Variants in HOXB3 observed in about 807,000 individuals in gnomAD.
The protein encoded by HOXB3 is homeobox protein Hox-B3.
Under a neutral mutation model 29.2 loss-of-function variants are expected in HOXB3, and 17 were observed. The observed-to-expected ratio is 0.58, with a 90% CI of 0.40 to 0.87. The LOEUF is 0.87. Among genes scored for constraint, HOXB3 ranks in the 40% least tolerant of loss-of-function variants. HOXB3 has a pLI of 0.00. For missense variants in HOXB3, 637 were observed against 616.3 expected, an observed-to-expected ratio of 1.03 and a Z score of -0.35; for synonymous variants, 317 against 285.9, an observed-to-expected ratio of 1.11 and a Z score of -1.10.
intron 2 of HOXB3, among the ~76,000 whole-genome samples, chr17:48,567,401 G>T (rs1450871188): frequency 6.6e-6 from 1 of 152,174 alleles, no homozygotes; most frequent in Non-Finnish European, 1.5e-5. Context: ...AAAGTCAGTT[G>T]GCCTGGCTCC....
chr17:48,571,983 C>T (rs75265071), intron 2 of HOXB3, among the ~76,000 whole-genome samples: 2,617 of 152,304 alleles, frequency 0.017, 66 homozygotes, highest in African/African-American at 0.059. Context: ...TCCCAGCCAG[C>T]GTCTGTCTGT....
At chr17:48,582,370 T>C (rs1482636968) in intron 1 of HOXB3, 2 of 151,948 alleles carry the variant, frequency 1.3e-5, no homozygotes, top group East Asian at 3.9e-4. Context: ...TCCTGTCCAC[T>C]ATTGTGTGTC....
intron 3 of HOXB3, chr17:48,552,922 C>T (rs1187617931): frequency 6.3e-6 from 1 of 159,100 alleles, no homozygotes; most frequent in African/African-American, 2.4e-5. Context: ...TAGTCCCTCT[C>T]TCCCTATCTC....
chr17:48,583,637 A>C (rs1349539113), intron 1 of HOXB3, among the ~76,000 whole-genome samples: 1 of 152,162 alleles, frequency 6.6e-6, no homozygotes, highest in Non-Finnish European at 1.5e-5. Flanking sequence ...GGCAGAGGCC[A>C]CTTCTTCCCC....
intron 2 of HOXB3, among the ~76,000 whole-genome samples, chr17:48,567,639 C>T (rs993206645): frequency 3.9e-5 from 6 of 152,182 alleles, no homozygotes; most frequent in Admixed American, 3.3e-4. Context: ...ATCTGCACCC[C>T]GTTTGCTCCC....
intron 2 of HOXB3, among the ~76,000 whole-genome samples, chr17:48,557,770 C>G (rs900521145): frequency 2.0e-5 from 3 of 152,158 alleles, no homozygotes; most frequent in African/African-American, 7.2e-5. Flanking sequence ...TAGTATTTTT[C>G]TGTGTTTATT....
intron 4 of HOXB3, among the ~76,000 whole-genome samples, chr17:48,551,805 C>T (rs1262711762): frequency 2.0e-5 from 3 of 152,214 alleles, no homozygotes; most frequent in East Asian, 1.9e-4. Flanking sequence ...CGCACTGGGC[C>T]TTCTGGAGCT....
At chr17:48,577,964 G>A in intron 1 of HOXB3, 1 of 1,315,214 alleles carries the variant, frequency 7.6e-7, no homozygotes, top group Non-Finnish European at 9.7e-7. Flanking sequence ...GCAGGGAGGC[G>A]GCGGGGGGCT....
At position 48,550,333 on chromosome 17, in the gene HOXB3, A is replaced by C. The variant is rs746944609; in HGVS notation, c.*1T>G. On this transcript the variant is annotated 3_prime_UTR_variant, in exon 5 of 5. Transcript: ENST00000498678. ...CCCTAATCCTCGTTCGCCCTTTCCC[A>C]TCACAGGTGTGTTAATTTGGGCGCT... 4.3e-6 allele frequency: 7 copies of C among 1,613,856 alleles called. No homozygotes were observed. The South Asian group carries it at 7.7e-5, about 18-fold the overall frequency.
At chr17:48,571,176 G>A (rs776131819) in intron 2 of HOXB3, among the ~76,000 whole-genome samples, 65 of 152,204 alleles carry the variant, frequency 4.3e-4, no homozygotes, top group Non-Finnish European at 6.9e-4. Flanking sequence ...TAAAGCGAAC[G>A]TTTACACTGT....
intron 2 of HOXB3, among the ~76,000 whole-genome samples, chr17:48,568,495 G>T (rs1355671716): frequency 2.0e-5 from 3 of 152,202 alleles, no homozygotes; most frequent in Admixed American, 6.5e-5. Flanking sequence ...AGCAGAGAGG[G>T]AGGAAGTGCC....
chr17:48,569,743 T>G (rs2069519853), intron 2 of HOXB3, among the ~76,000 whole-genome samples: 1 of 152,152 alleles, frequency 6.6e-6, no homozygotes, highest in Non-Finnish European at 1.5e-5. Flanking sequence ...GGATAAATAA[T>G]GGGGCTTCTG....
chr17:48,555,357 A>AGG (rs1567949194), intron 3 of HOXB3, 174 bp downstream of exon 3: 3 of 439,896 alleles, frequency 6.8e-6, no homozygotes, highest in South Asian at 4.4e-5. Context: ...AGAGAGAGAG[A>AGG]GAGAGAGGGA....
intron 1 of HOXB3, among the ~76,000 whole-genome samples, chr17:48,588,352 G>A (rs1437523516): frequency 1.3e-5 from 2 of 152,230 alleles, no homozygotes; most frequent in Non-Finnish European, 2.9e-5. Context: ...TGGAAAATCC[G>A]ACCAGATATG....
intron 1 of HOXB3, chr17:48,574,948 T>C (rs1305893234): frequency 6.6e-6 from 1 of 152,246 alleles, no homozygotes; most frequent in Non-Finnish European, 1.5e-5. Context: ...TTCTTTGTAA[T>C]ATAAAAATAC....
chr17:48,589,241 C>G (rs924174329), intron 1 of HOXB3, among the ~76,000 whole-genome samples: 5 of 152,172 alleles, frequency 3.3e-5, no homozygotes, highest in Non-Finnish European at 5.9e-5. Context: ...ATTTTCTCTT[C>G]CAGCTCCTGA....
chr17:48,575,301 C>T (rs1433186011), intron 1 of HOXB3: 1 of 152,136 alleles, frequency 6.6e-6, no homozygotes, highest in East Asian at 1.9e-4. Context: ...AATTAAAAGC[C>T]CCAAAACAAA....
chr17:48,555,335 G>GGAGAGAGAGAGA (rs763845981), intron 3 of HOXB3, 196 bp downstream of exon 3: 28 of 470,698 alleles, frequency 5.9e-5, no homozygotes, highest in Admixed American at 2.0e-4. Flanking sequence ...AGAGAGAGAG[G>GGAGAGAGAGAGA]GAGAGAGAGA....
chr17:48,576,650 T>TCC, intron 1 of HOXB3: 4 of 567,758 alleles, frequency 7.0e-6, no homozygotes, highest in Non-Finnish European at 7.8e-6. Flanking sequence ...CCCCCTCCTG[T>TCC]CCCCCCACCC....
Sources: gnomAD v4.1 joint callset for allele counts (sites outside exome capture counted in the v4.1 genomes callset) on GRCh38, gnomAD v4.1.1 for gene constraint, MANE v1.5 for transcripts, NCBI Gene and HGNC (gene_info 2026-07-23, HGNC 2026-07-21) for gene names.